TMEM163: variants seen among roughly 807,000 people sequenced by gnomAD.
TMEM163 encodes transmembrane protein 163.
A neutral mutation model predicts 29.3 loss-of-function variants in TMEM163; 17 were observed. The observed-to-expected ratio is 0.58, with a 90% CI of 0.40 to 0.87. TMEM163 has a LOEUF of 0.87. Ranked by LOEUF, TMEM163 falls within the 40% of genes least tolerant of loss-of-function variation. The probability of loss-of-function intolerance (pLI) is 0.00; values close to 1 mark genes in which losing one functional copy is unlikely to be tolerated. For missense variants in TMEM163, 303 were observed against 381.5 expected (o/e 0.79, Z 1.71); for synonymous variants, 157 against 160.6 (o/e 0.98, Z 0.17).
intron 2 of TMEM163, among the ~76,000 whole-genome samples, chr2:134,703,216 A>C (rs1684739654): frequency 6.6e-6 from 1 of 152,084 alleles, no homozygotes; most frequent in African/African-American, 2.4e-5. Flanking sequence ...AGGAAATCCC[A>C]AAAAAAGTGG....
intron 4 of TMEM163, among the ~76,000 whole-genome samples, chr2:134,524,812 T>C (rs1468945403): frequency 6.6e-6 from 1 of 150,492 alleles, no homozygotes; most frequent in Admixed American, 6.6e-5. Flanking sequence ...CTATTGTGAA[T>C]AGTGCTGCAA....
chr2:134,516,361 G>T (rs1260508280), intron 4 of TMEM163, among the ~76,000 whole-genome samples: 1 of 151,990 alleles, frequency 6.6e-6, no homozygotes. Context: ...AGGAGTTTGA[G>T]ACTAGCCTGG....
intron 5 of TMEM163, among the ~76,000 whole-genome samples, chr2:134,491,915 C>A (rs1679438137): frequency 6.6e-6 from 1 of 152,286 alleles, no homozygotes; most frequent in South Asian, 2.1e-4. Context: ...CTCGAACTGA[C>A]AAACAAATCC....
chr2:134,456,653 T>C lies in TMEM163; in HGVS notation c.*63A>G, dbSNP rs1416471446. 3 of 1,571,272 alleles carry C rather than the reference T, an allele frequency of 1.9e-6. No homozygotes were observed. In the African/African-American group the frequency reaches 4.1e-5, roughly 21 times the overall value. Reference sequence around the variant, plus strand: ...AGAAACCAGATGTTCAGTTAAATATTGGCACCCTTTGCCTATGTGGAAACT... The same window carrying C: ...AGAAACCAGATGTTCAGTTAAATATCGGCACCCTTTGCCTATGTGGAAACT... On this transcript the variant is annotated 3_prime_UTR_variant, in exon 8 of 8. Coordinates refer to ENST00000281924, the MANE Select transcript of TMEM163 (RefSeq NM_030923.5).
At chr2:134,570,440 C>T (rs1373571150) in intron 2 of TMEM163, among the ~76,000 whole-genome samples, 1 of 149,654 alleles carries the variant, frequency 6.7e-6, no homozygotes, top group Non-Finnish European at 1.5e-5. Context: ...AACATAGCCC[C>T]CACAGATAAG....
Position 134,460,277 on chromosome 2 carries a change from C to T in TMEM163, c.668-2104G>A, listed in dbSNP as rs189855404. Among the ~76,000 whole-genome samples, 158 of 152,136 alleles carry T rather than the reference C, an allele frequency of 1.0e-3. No individual in the cohort carries two copies. The highest frequency in any genetic ancestry group is 3.7e-3 in the African/African-American group (153 of 41,508). ...AGCCACACAACCCTGCAACAGCCAT[C>T]CTGCCCTCCCCTCAGGGCCACTGGG... On this transcript the variant is annotated intron_variant, in intron 6 of 7. Coordinates refer to ENST00000281924, the MANE Select transcript of TMEM163 (RefSeq NM_030923.5). The surrounding 1 kb of genome is among the most constrained non-coding windows in gnomAD (Gnocchi z 4.3).
chr2:134,644,196 T>C (rs993164854), intron 2 of TMEM163, among the ~76,000 whole-genome samples: 64 of 152,272 alleles, frequency 4.2e-4, no homozygotes, highest in African/African-American at 1.5e-3. Context: ...TGTAAACTTA[T>C]CTATAGATTT....
At chr2:134,637,477 A>G (rs1683129972) in intron 2 of TMEM163, among the ~76,000 whole-genome samples, 2 of 152,276 alleles carry the variant, frequency 1.3e-5, no homozygotes, top group South Asian at 4.1e-4. Context: ...GGTTGAAAAA[A>G]TGAATGAATC....
intron 5 of TMEM163, among the ~76,000 whole-genome samples, chr2:134,493,108 T>A (rs1464539705): frequency 6.6e-6 from 1 of 152,188 alleles, no homozygotes; most frequent in East Asian, 1.9e-4. Flanking sequence ...GAGTATCTTT[T>A]CATGTGCTTC....
At chr2:134,691,478 A>T (rs1684464360) in intron 2 of TMEM163, among the ~76,000 whole-genome samples, 1 of 152,206 alleles carries the variant, frequency 6.6e-6, no homozygotes, top group Non-Finnish European at 1.5e-5. Flanking sequence ...GAACTTGGGA[A>T]GAGAAAATGA....
chr2:134,591,869 C>A (rs6725754), intron 2 of TMEM163, among the ~76,000 whole-genome samples: 6,408 of 149,830 alleles, frequency 0.043, 210 homozygotes, highest in Admixed American at 0.091. Context: ...TATGAATGTG[C>A]ACATGAGGCA....
At chr2:134,601,414 TG>T (rs1275192374) in intron 2 of TMEM163, among the ~76,000 whole-genome samples, 1 of 152,094 alleles carries the variant, frequency 6.6e-6, no homozygotes, top group African/African-American at 2.4e-5. Context: ...TCTGGCAGCA[TG>T]TTAATAAGAG....
chr2:134,601,289 T>C (rs996255821), intron 2 of TMEM163, among the ~76,000 whole-genome samples: 4 of 152,278 alleles, frequency 2.6e-5, no homozygotes, highest in Non-Finnish European at 5.9e-5. Context: ...AGCTAAAGGA[T>C]AAGTCAGCCA....
chr2:134,657,563 G>A (rs1285021835), intron 2 of TMEM163, among the ~76,000 whole-genome samples: 1 of 152,190 alleles, frequency 6.6e-6, no homozygotes, highest in Non-Finnish European at 1.5e-5. Context: ...AACACTTTGG[G>A]AGGCAGAGGC....
chr2:134,677,381 A>C (rs1684138501), intron 2 of TMEM163, among the ~76,000 whole-genome samples: 1 of 152,226 alleles, frequency 6.6e-6, no homozygotes, highest in South Asian at 2.1e-4. Context: ...TATGCAATCC[A>C]CACACGAAAA....
intron 4 of TMEM163, among the ~76,000 whole-genome samples, chr2:134,515,379 A>G (rs1680036914): frequency 6.6e-6 from 1 of 152,258 alleles, no homozygotes; most frequent in Non-Finnish European, 1.5e-5. Flanking sequence ...GCTTCTCAGC[A>G]TAACATGGTT....
intron 5 of TMEM163, among the ~76,000 whole-genome samples, chr2:134,494,825 A>G (rs1679510954): frequency 6.6e-6 from 1 of 152,188 alleles, no homozygotes; most frequent in Admixed American, 6.5e-5. Flanking sequence ...CTTAACCCCT[A>G]TGCTCCGGGT....
chr2:134,634,038 A>T (rs1473233020), intron 2 of TMEM163, among the ~76,000 whole-genome samples: 2 of 141,940 alleles, frequency 1.4e-5, no homozygotes, highest in African/African-American at 5.1e-5. Flanking sequence ...CTGTTTTAAG[A>T]TGCAAAAGTA....
intron 2 of TMEM163, among the ~76,000 whole-genome samples, chr2:134,601,432 G>C (rs1275906092): frequency 6.6e-6 from 1 of 152,194 alleles, no homozygotes; most frequent in Non-Finnish European, 1.5e-5. Flanking sequence ...AGAGCAGCAG[G>C]AGAAGGCAAG....
Sources: allele counts gnomAD v4.1 joint callset (sites outside exome capture counted in the v4.1 genomes callset), GRCh38; gene constraint gnomAD v4.1.1; non-coding constraint Gnocchi (gnomAD v3.1); transcripts MANE v1.5; gene names NCBI Gene and HGNC (gene_info 2026-07-23, HGNC 2026-07-21).